SV2B: variants seen among roughly 807,000 people sequenced by gnomAD.
The protein encoded by SV2B is solute carrier family 22 member B2.
Under a neutral mutation model 73.9 loss-of-function variants are expected in SV2B, and 41 were observed. The observed-to-expected ratio is 0.56, with a 90% CI of 0.43 to 0.72. The LOEUF is 0.72. SV2B is among the 30% of genes least tolerant of loss of function. The pLI is 0.00. For synonymous variants in SV2B, 314 were observed against 314.2 expected (o/e 1.00, Z 0.01); for missense variants, 764 against 857.8 (o/e 0.89, Z 1.37).
intron 1 of SV2B, among the ~76,000 whole-genome samples, chr15:91,127,835 C>A (rs1567273431): frequency 6.6e-6 from 1 of 152,042 alleles, no homozygotes; most frequent in Non-Finnish European, 1.5e-5. Context: ...CAGGGGTTTG[C>A]CAGAATTTCT....
intron 1 of SV2B, among the ~76,000 whole-genome samples, chr15:91,138,444 G>A (rs1456612234): frequency 6.6e-6 from 1 of 152,132 alleles, no homozygotes; most frequent in Non-Finnish European, 1.5e-5. Context: ...GAGACACAGG[G>A]GACAGAATAA....
chr15:91,292,436 G>C lies in SV2B; in HGVS notation c.1936G>C (p.Ala646Pro), dbSNP rs760627260. Reference sequence around the variant, plus strand: ...CGCCATCCTGGGAAACACCATCTTTGCTTCTTTTGTTGGGATAACCAAAGT... The same window carrying C: ...CGCCATCCTGGGAAACACCATCTTTCCTTCTTTTGTTGGGATAACCAAAGT... Reference protein sequence around the residue: ...FGAILGNTIFASFVGITKVVP... With the variant: ...FGAILGNTIFPSFVGITKVVP... The change falls in exon 13 of 13, where the codon GCT (alanine) becomes CCT (proline). Residue 646 changes from alanine (A) to proline (P), a missense_variant. Coordinates refer to ENST00000394232, the MANE Select transcript of SV2B (RefSeq NM_001323032.3). 4 of 1,614,152 alleles carry C rather than the reference G, an allele frequency of 2.5e-6. No homozygotes were observed. Among genetic ancestry groups the C allele is most frequent in the Non-Finnish European group, 3.4e-6 (4 of 1,180,016 alleles).
chr15:91,126,429 C>T (rs1228834970), intron 1 of SV2B, among the ~76,000 whole-genome samples: 1 of 152,202 alleles, frequency 6.6e-6, no homozygotes, highest in Non-Finnish European at 1.5e-5. Context: ...ATATATCCAT[C>T]TGGAGATAAT....
intron 1 of SV2B, among the ~76,000 whole-genome samples, chr15:91,219,161 C>T (rs145280691): frequency 1.8e-4 from 27 of 152,250 alleles, no homozygotes; most frequent in Non-Finnish European, 2.9e-4. Context: ...GTTGCCCAGG[C>T]TTGTCTCAAA....
Position 91,223,830 on chromosome 15 carries a change from C to G in SV2B, c.-391-2043C>G, listed in dbSNP as rs1002920503. Reference sequence around the variant, plus strand: ...ATCATTTCTTAGTAAGTATTTCTTGCTGGCTTCTTTGGCACTGTTTCTCAA... The same window carrying G: ...ATCATTTCTTAGTAAGTATTTCTTGGTGGCTTCTTTGGCACTGTTTCTCAA... On this transcript the variant is annotated intron_variant, in intron 1 of 12. Coordinates refer to ENST00000394232, the MANE Select transcript of SV2B (RefSeq NM_001323032.3). The surrounding 1 kb of genome is among the most constrained non-coding windows in gnomAD (Gnocchi z 4.6). Among the ~76,000 whole-genome samples the G allele has an allele frequency of 3.3e-5, 5 of 152,210 alleles. No homozygotes were observed. Among genetic ancestry groups the G allele is most frequent in the African/African-American group, 1.2e-4 (5 of 41,446 alleles).
At chr15:91,131,834 G>A (rs964704904) in intron 1 of SV2B, among the ~76,000 whole-genome samples, 1 of 152,038 alleles carries the variant, frequency 6.6e-6, no homozygotes, top group Non-Finnish European at 1.5e-5. Context: ...GCGGTGGCAG[G>A]TGCCTGTAAT....
intron 1 of SV2B, among the ~76,000 whole-genome samples, chr15:91,200,872 C>T (rs1037661841): frequency 2.0e-5 from 3 of 152,134 alleles, no homozygotes; most frequent in Admixed American, 6.5e-5. Context: ...GATCGTGCCT[C>T]TGCACTCCAG....
Position 91,232,017 on chromosome 15 carries a change from G to C in SV2B, c.451+5303G>C, listed in dbSNP as rs955688770. Among the ~76,000 whole-genome samples, 1 of 152,140 alleles carries C rather than the reference G, an allele frequency of 6.6e-6. No individual in the cohort carries two copies. Among genetic ancestry groups the C allele is most frequent in the African/African-American group, 2.4e-5 (1 of 41,422 alleles). On this transcript the variant is annotated intron_variant, in intron 2 of 12. Transcript: ENST00000394232. The surrounding 1 kb of genome is among the most constrained non-coding windows in gnomAD (Gnocchi z 4.7). ...TGTCGTGAAAGATTATCTTGTGATT[G>C]TTTTATATGCAAATTCTAGCCGAGC...
chr15:91,185,898 C>T (rs974861715), intron 1 of SV2B, among the ~76,000 whole-genome samples: 1 of 152,232 alleles, frequency 6.6e-6, no homozygotes, highest in Admixed American at 6.5e-5. Flanking sequence ...CTCCATGAGG[C>T]TAACACTGGT....
Position 91,133,046 on chromosome 15 carries a change from G to A in SV2B, c.-392+32683G>A, listed in dbSNP as rs556957643. On this transcript the variant is annotated intron_variant, in intron 1 of 12. Coordinates refer to ENST00000394232, the MANE Select transcript of SV2B (RefSeq NM_001323032.3). ...ATTTAATTCTGTAACACCCCCATGA[G>A]GGAGGCCACATCATTATTCACATTT... is the stretch of plus-strand genomic sequence containing the variant. 2.3e-4 allele frequency among the ~76,000 whole-genome samples: 35 copies of A among 152,296 alleles called. No individual in the cohort carries two copies. In the South Asian group the frequency reaches 7.3e-3, roughly 32 times the overall value.
chr15:91,113,718 T>G (rs528229822), intron 1 of SV2B, among the ~76,000 whole-genome samples: 1 of 152,318 alleles, frequency 6.6e-6, no homozygotes, highest in East Asian at 1.9e-4. Flanking sequence ...AGGAATATAT[T>G]ATAGAATCCC....
chr15:91,258,699 A>G lies in SV2B; in HGVS notation c.918+145A>G, dbSNP rs1044277336. ...CCCTGGTCGGCTGACCTCACTCATC[A>G]TTGAATCTGGCACCTGCCGGCTGTG... On this transcript the variant is annotated intron_variant, in intron 5 of 12. Coordinates refer to ENST00000394232, the MANE Select transcript of SV2B (RefSeq NM_001323032.3). The surrounding 1 kb of genome is among the most constrained non-coding windows in gnomAD (Gnocchi z 4.7). 8 of 1,210,358 alleles carry G rather than the reference A, an allele frequency of 6.6e-6. No homozygotes were observed. The African/African-American group carries it at 9.2e-5, about 14-fold the overall frequency. 75.0% of individuals were successfully genotyped at this position (1,210,358 alleles called of 1,614,324 possible).
chr15:91,188,816 T>A (rs2044882562), intron 1 of SV2B, among the ~76,000 whole-genome samples: 1 of 152,102 alleles, frequency 6.6e-6, no homozygotes, highest in South Asian at 2.1e-4. Flanking sequence ...CTATTTTCTC[T>A]CTTATTTTTA....
chr15:91,195,554 A>C (rs1162605344), intron 1 of SV2B, among the ~76,000 whole-genome samples: 1 of 152,246 alleles, frequency 6.6e-6, no homozygotes, highest in African/African-American at 2.4e-5. Flanking sequence ...TGTTGCGAGG[A>C]ATAAGCAACA....
chr15:91,211,725 AACTCCTGACCTCAT>A (rs2045871754), intron 1 of SV2B, among the ~76,000 whole-genome samples: 1 of 151,414 alleles, frequency 6.6e-6, no homozygotes, highest in African/African-American at 2.4e-5. Flanking sequence ...GCTGGTCTCA[AACTCCTGACCTCAT>A]AATCCACCCG....
rs1376647192 is a variant in SV2B at position 91,296,545 on chromosome 15, T to G, written c.*3993T>G. ...GCGCACGTTCCTTCTGCCTGATCGTTGGGAGCACACTCCTTCTGCCTGATC... is the reference window on the plus strand; with the variant it reads ...GCGCACGTTCCTTCTGCCTGATCGTGGGGAGCACACTCCTTCTGCCTGATC... On this transcript the variant is annotated 3_prime_UTR_variant, in exon 13 of 13. Coordinates refer to ENST00000394232, the MANE Select transcript of SV2B (RefSeq NM_001323032.3). The G allele has an allele frequency of 1.3e-5, 2 of 150,048 alleles. No individual in the cohort carries two copies. Among genetic ancestry groups the G allele is most frequent in the East Asian group, 4.0e-4 (2 of 5,040 alleles). The allele number at this position is 150,048 out of a possible 1,614,324, so 9.3% of individuals were successfully genotyped here. A position where few individuals can be genotyped will look rare whatever the true frequency, so the allele number is the denominator to read the frequency against.
At chr15:91,216,886 CT>C (rs557223668) in intron 1 of SV2B, among the ~76,000 whole-genome samples, 5,885 of 126,530 alleles carry the variant, frequency 0.047, 164 homozygotes, top group African/African-American at 0.12. Context: ...GAATAACTAC[CT>C]TTTTTTTTTT....
At chr15:91,273,107 A>G (rs2048371869) in intron 9 of SV2B, among the ~76,000 whole-genome samples, 1 of 152,136 alleles carries the variant, frequency 6.6e-6, no homozygotes. Context: ...TGTTGGGATT[A>G]CAGTCATGAG....
rs184495752 is a variant in SV2B, at chr15:91,199,838, C to T, written c.-391-26035C>T. ...TCAGGCCTGTGTGATGATGATGAGG[C>T]AGCAAACATACCGCTGTTGGGGCAG... On this transcript the variant is annotated intron_variant, in intron 1 of 12. Coordinates refer to ENST00000394232, the MANE Select transcript of SV2B (RefSeq NM_001323032.3). Among the ~76,000 whole-genome samples the T allele has an allele frequency of 3.0e-3, 464 of 152,286 alleles. 3 individuals are homozygous for T. Among genetic ancestry groups the T allele is most frequent in the African/African-American group, 9.9e-3 (410 of 41,556 alleles).
Sources: gnomAD v4.1 joint callset for allele counts (sites outside exome capture counted in the v4.1 genomes callset) on GRCh38, gnomAD v4.1.1 for gene constraint, Gnocchi (gnomAD v3.1) non-coding constraint, MANE v1.5 for transcripts, NCBI Gene and HGNC (gene_info 2026-07-23, HGNC 2026-07-21) for gene names.